XIRP1: variants seen among roughly 807,000 people sequenced by gnomAD.
The protein encoded by XIRP1 is xin actin binding repeat containing 1.
For missense variants in XIRP1, 2,378 were observed against 2,345.4 expected (o/e 1.01, Z -0.29); for synonymous variants, 984 against 947.0 (o/e 1.04, Z -0.72).
chr3:39,186,318 G>A lies in XIRP1; in HGVS notation c.3128C>T (p.Pro1043Leu), dbSNP rs566658098. 2.0e-5 allele frequency: 32 copies of A among 1,614,140 alleles called. No individual in the cohort carries two copies. Among genetic ancestry groups the A allele is most frequent in the South Asian group, 9.9e-5 (9 of 91,086 alleles). The change falls in exon 2 of 2, where the codon CCT becomes CTT. Residue 1043 changes from proline to leucine, a missense_variant. Transcript: ENST00000340369. ...LGKSEGATTT[P>L]PGPGAPDLLA... ...GAGGTCTGGGGCCCCAGGCCCCGGA[G>A]GGGTAGTCGTGGCTCCTTCTGACTT...
Position 39,184,192 on chromosome 3 carries a change from G to T in XIRP1, c.5254C>A (p.Leu1752Ile), listed in dbSNP as rs370229024. 32 of 1,614,226 alleles carry T rather than the reference G, an allele frequency of 2.0e-5. No individual in the cohort carries two copies. The African/African-American group carries it at 3.1e-4, about 15-fold the overall frequency. ...PRGWQKSVLE[L>I]QTGPGSSQHY... ...TGTGAGCTCCCTGGCCCCGTCTGTA[G>T]CTCCAGAACACTCTTTTGCCACCCT... The change falls in exon 2 of 2, where the codon CTA (leucine) becomes ATA (isoleucine). Residue 1752 changes from leucine to isoleucine, a missense_variant. Coordinates refer to ENST00000340369, the MANE Select transcript of XIRP1 (RefSeq NM_194293.4).
At position 39,187,902 on chromosome 3, in the gene XIRP1, A is replaced by C. The variant is rs779393960; in HGVS notation, c.1544T>G (p.Met515Arg). ...CTGGTCTAGGGGCTGTGTCTCAAAC[A>C]TCCACCTGTAGCCCTGCACATCACC... ...VGGDVQGYRWMFETQPLDQLG... is the reference protein window; with the variant it reads ...VGGDVQGYRWRFETQPLDQLG... Residue 515 changes from methionine to arginine, a missense_variant, in exon 2 of 2, where the codon ATG becomes AGG. Coordinates refer to ENST00000340369, the MANE Select transcript of XIRP1 (RefSeq NM_194293.4). 2 of 1,614,144 alleles carry C rather than the reference A, an allele frequency of 1.2e-6. No individual in the cohort carries two copies. Among genetic ancestry groups the C allele is most frequent in the Non-Finnish European group, 1.7e-6 (2 of 1,180,026 alleles).
intron 1 of XIRP1, among the ~76,000 whole-genome samples, chr3:39,192,072 C>T (rs2040094853): frequency 6.6e-6 from 1 of 152,250 alleles, no homozygotes; most frequent in Non-Finnish European, 1.5e-5. Flanking sequence ...TCCTGTTCCT[C>T]CTTCCTCCAG....
chr3:39,187,831 G>T lies in XIRP1; in HGVS notation c.1615C>A (p.Arg539=). Residue 539 remains arginine, a synonymous_variant, in exon 2 of 2, where the codon CGG becomes AGG. Coordinates refer to ENST00000340369, the MANE Select transcript of XIRP1 (RefSeq NM_194293.4). ...ACGTCCCCAGCCACCACTTCCTGCC[G>T]GGTGATGCCCCGCACCACGTCGATG... ...STIDVVRGIT[R]QEVVAGDVGT... The T allele has an allele frequency of 6.2e-7, 1 of 1,614,112 alleles. No homozygotes were observed. Among genetic ancestry groups the T allele is most frequent in the South Asian group, 1.1e-5 (1 of 91,082 alleles).
rs764057688 is a variant in XIRP1, at chr3:39,184,146, G to A, written c.5300C>T (p.Thr1767Ile). 1 of 1,612,822 alleles carries A rather than the reference G, an allele frequency of 6.2e-7. No individual in the cohort carries two copies. The highest frequency in any genetic ancestry group is 8.5e-7 in the Non-Finnish European group (1 of 1,179,226). ...GSSQHYGAMR[T>I]VTEQYEEVDQ... ...CACCTCCTCATACTGTTCAGTCACG[G>A]TTCTCATGGCTCCATAGTGTTGTGA... is the stretch of plus-strand genomic sequence containing the variant. The change falls in exon 2 of 2, where the codon ACC (threonine) becomes ATC (isoleucine). Residue 1767 changes from threonine to isoleucine, a missense_variant. By Grantham distance (89) the Thr-to-Ile change is moderately conservative. Coordinates refer to ENST00000340369, the MANE Select transcript of XIRP1 (RefSeq NM_194293.4).
rs373528352 is a variant in XIRP1 at position 39,186,793 on chromosome 3, C to T, written c.2653G>A (p.Gly885Ser). ...GTCCTTGCCACGGAGGTCCCAAGACCGCAAGCCAGCAGCTGCTGGAGCTCA... is the reference window on the plus strand; with the variant it reads ...GTCCTTGCCACGGAGGTCCCAAGACTGCAAGCCAGCAGCTGCTGGAGCTCA... Reference protein sequence around the residue: ...DPELQQLLACGLGTSVARTGL... With the variant: ...DPELQQLLACSLGTSVARTGL... Residue 885 changes from glycine to serine, a missense_variant, in exon 2 of 2, where the codon GGT (glycine) becomes AGT (serine). Transcript: ENST00000340369. 2.7e-5 allele frequency: 44 copies of T among 1,613,834 alleles called. No individual in the cohort carries two copies. In the Admixed American group the frequency reaches 2.8e-4, roughly 10 times the overall value.
rs1575180217 is a variant in XIRP1 at position 39,186,569 on chromosome 3, C to T, written c.2877G>A (p.Glu959=). The change falls in exon 2 of 2, where the codon GAG becomes GAA. Residue 959 remains glutamate, a synonymous_variant. Transcript: ENST00000340369. ...PADPSPVPAS[E]GAQSLHPTES... is the part of the protein sequence containing the mutation. ...CAGTTGGGTGCAGGCTCTGGGCCCC[C>T]TCGCTGGCTGGCACTGGACTCGGGT... The T allele has an allele frequency of 1.2e-6, 2 of 1,611,250 alleles. No homozygotes were observed. Among genetic ancestry groups the T allele is most frequent in the Non-Finnish European group, 1.7e-6 (2 of 1,178,316 alleles).
At chr3:39,191,779 A>T (rs544102142) in intron 1 of XIRP1, among the ~76,000 whole-genome samples, 1 of 152,160 alleles carries the variant, frequency 6.6e-6, no homozygotes, top group Non-Finnish European at 1.5e-5. Context: ...AGCTGGCTCC[A>T]TATGTCTTTA....
rs757234100 is a variant in XIRP1, at chr3:39,186,415, G to T, written c.3031C>A (p.Pro1011Thr). 26 of 1,614,082 alleles carry T rather than the reference G, an allele frequency of 1.6e-5. No individual in the cohort carries two copies. Among genetic ancestry groups the T allele is most frequent in the Non-Finnish European group, 1.9e-5 (23 of 1,180,046 alleles). Residue 1011 changes from proline to threonine, a missense_variant, in exon 2 of 2, where the codon CCA (proline) becomes ACA (threonine). Transcript: ENST00000340369. Reference protein sequence around the residue: ...AVPLAGEAAAPAQLQNTEKQE... With the variant: ...AVPLAGEAAATAQLQNTEKQE... ...TTTTCTGTGTTTTGCAATTGGGCTG[G>T]TGCTGCAGCTTCCCCAGCCAGAGGG...
Position 39,187,873 on chromosome 3 carries a change from C to G in XIRP1, c.1573G>C (p.Gly525Arg), listed in dbSNP as rs533631518. The change falls in exon 2 of 2, where the codon GGC becomes CGC. Residue 525 changes from glycine (G) to arginine (R), a missense_variant. Physicochemically the swap from Gly to Arg is moderately radical, Grantham distance 125. Coordinates refer to ENST00000340369, the MANE Select transcript of XIRP1 (RefSeq NM_194293.4). ...MFETQPLDQLGRSPSTIDVVR... is the reference protein window; with the variant it reads ...MFETQPLDQLRRSPSTIDVVR... Reference sequence around the variant, plus strand: ...ACGTCGATGGTACTGGGGCTTCGGCCGAGCTGGTCTAGGGGCTGTGTCTCA... The same window carrying G: ...ACGTCGATGGTACTGGGGCTTCGGCGGAGCTGGTCTAGGGGCTGTGTCTCA... The G allele has an allele frequency of 6.2e-7, 1 of 1,614,134 alleles. No homozygotes were observed. Among genetic ancestry groups the G allele is most frequent in the South Asian group, 1.1e-5 (1 of 91,078 alleles).
At chr3:39,189,741 T>A (rs1447744611) in intron 1 of XIRP1, among the ~76,000 whole-genome samples, 1 of 152,176 alleles carries the variant, frequency 6.6e-6, no homozygotes, top group East Asian at 1.9e-4. Context: ...GGAGTGACCA[T>A]GGTACCACTG....
Position 39,187,082 on chromosome 3 carries a change from T to C in XIRP1, c.2364A>G (p.Gly788=). The C allele has an allele frequency of 6.2e-7, 1 of 1,613,466 alleles. No individual in the cohort carries two copies. The highest frequency in any genetic ancestry group is 8.5e-7 in the Non-Finnish European group (1 of 1,179,478). The part of the protein sequence containing the change: ...LHATPGILHH[G]GILMEARGPG... The stretch of plus-strand genomic sequence containing the variant: ...GCCCTCGGGCCTCCATGAGGATGCC[T>C]CCATGGTGCAGGATGCCAGGTGTGG... Residue 788 remains glycine, a synonymous_variant, in exon 2 of 2, where the codon GGA becomes GGG. Coordinates refer to ENST00000340369, the MANE Select transcript of XIRP1 (RefSeq NM_194293.4).
chr3:39,190,461 A>G (rs571173719), intron 1 of XIRP1, among the ~76,000 whole-genome samples: 1 of 152,194 alleles, frequency 6.6e-6, no homozygotes, highest in East Asian at 1.9e-4. Flanking sequence ...GAGGGTGACA[A>G]CAACCAGGGA....
chr3:39,185,385 G>T lies in XIRP1; in HGVS notation c.4061C>A (p.Ser1354Ter), dbSNP rs61736127. 1 of 1,614,008 alleles carries T rather than the reference G, an allele frequency of 6.2e-7. No homozygotes were observed. Among genetic ancestry groups the T allele is most frequent in the Non-Finnish European group, 8.5e-7 (1 of 1,180,000 alleles). The change falls in exon 2 of 2, where the codon TCG (serine) becomes TAG (stop). Residue 1354 changes from serine to a stop codon, truncating the protein, a stop_gained. Coordinates refer to ENST00000340369, the MANE Select transcript of XIRP1 (RefSeq NM_194293.4). LOFTEE classifies it low-confidence loss of function (END_TRUNC). ...KPLPLSPSFS[S>*]EVGQREHQRG... ...TTGGTGTTCTCTTTGCCCCACCTCC[G>T]AGGAAAAGCTGGGAGATAGAGGCAA... is the stretch of plus-strand genomic sequence containing the variant.
chr3:39,190,404 G>C (rs2040071337), intron 1 of XIRP1, among the ~76,000 whole-genome samples: 1 of 152,062 alleles, frequency 6.6e-6, no homozygotes, highest in African/African-American at 2.4e-5. Flanking sequence ...CTTTCTTATT[G>C]GCCATAGAAC....
At chr3:39,191,275 C>G (rs954346122) in intron 1 of XIRP1, among the ~76,000 whole-genome samples, 1 of 152,140 alleles carries the variant, frequency 6.6e-6, no homozygotes, top group African/African-American at 2.4e-5. Flanking sequence ...CCAAGGCAAA[C>G]CTGAGCCTGT....
Position 39,187,229 on chromosome 3 carries a change from G to T in XIRP1, c.2217C>A (p.Ser739=). 1.9e-6 allele frequency: 3 copies of T among 1,587,098 alleles called. No individual in the cohort carries two copies. The highest frequency in any genetic ancestry group is 2.6e-6 in the Non-Finnish European group (3 of 1,163,168). ...CCCCTTGGATGCTCTCAGCTGCCAG[G>T]GAGCCCATGGGACAATTCTCAAAAA... The part of the protein sequence containing the change: ...TWLFENCPMG[S]LAAESIQGGN... Residue 739 remains serine, a synonymous_variant, in exon 2 of 2, where the codon TCC becomes TCA. Coordinates refer to ENST00000340369, the MANE Select transcript of XIRP1 (RefSeq NM_194293.4).
At position 39,183,971 on chromosome 3, in the gene XIRP1, C is replaced by G. The variant is rs35351316; in HGVS notation, c.5475G>C (p.Leu1825=). The change falls in exon 2 of 2, where the codon CTG becomes CTC. Residue 1825 remains leucine (L), a synonymous_variant. Coordinates refer to ENST00000340369, the MANE Select transcript of XIRP1 (RefSeq NM_194293.4). ...LHSPAGFSSD[L]TEAETVQVSC... ...ACACCTGCACCGTCTCAGCTTCTGT[C>G]AGGTCACTGCTGAACCCAGCTGGGC... The G allele has an allele frequency of 6.2e-6, 10 of 1,612,364 alleles. No homozygotes were observed. In the Middle Eastern group the frequency reaches 6.3e-4, roughly 102 times the overall value.
chr3:39,189,647 C>T (rs1484875232), intron 1 of XIRP1, 122 bp from the exon 2 acceptor site: 23 of 727,386 alleles, frequency 3.2e-5, no homozygotes, highest in South Asian at 1.6e-4. Context: ...CTGCATGGTT[C>T]GTGGGCAACA....
Sources: gnomAD v4.1 joint callset for allele counts (sites outside exome capture counted in the v4.1 genomes callset) on GRCh38, gnomAD v4.1.1 for gene constraint, MANE v1.5 for transcripts, NCBI Gene and HGNC (gene_info 2026-07-23, HGNC 2026-07-21) for gene names.